Variants in LRP1B observed in about 807,000 individuals in gnomAD.
LRP1B encodes the protein LDL receptor related protein 1B.
LRP1B carries 217 observed loss-of-function variants against 556.6 expected under a neutral mutation model. The observed-to-expected ratio is 0.39, with a 90% CI of 0.35 to 0.44. The LOEUF (loss-of-function observed/expected upper bound fraction) is 0.44. Ranked by LOEUF, LRP1B falls within the 20% of genes least tolerant of loss-of-function variation. The probability of loss-of-function intolerance (pLI) is 1.00; values close to 1 mark genes in which losing one functional copy is unlikely to be tolerated. For synonymous variants in LRP1B, 2,047 were observed against 1,865.8 expected, an observed-to-expected ratio of 1.10 and a Z score of -2.50; for missense variants, 5,053 against 5,620.8, an observed-to-expected ratio of 0.90 and a Z score of 3.23.
At chr2:140,853,686 C>CAATA (rs70988449) in intron 27 of LRP1B, among the ~76,000 whole-genome samples, 126,333 of 151,300 alleles carry the variant, frequency 0.83, 53,442 homozygotes, top group Non-Finnish European at 0.91. Flanking sequence ...TTGTTAAAAA[C>CAATA]AATAAATAAA....
intron 41 of LRP1B, among the ~76,000 whole-genome samples, chr2:140,669,311 A>G (rs1307797420): frequency 6.6e-6 from 1 of 152,192 alleles, no homozygotes; most frequent in Non-Finnish European, 1.5e-5. Context: ...GTAGTATATC[A>G]TGTTAATAAT....
chr2:142,092,069 T>C (rs1293513382), intron 1 of LRP1B, among the ~76,000 whole-genome samples: 1 of 152,214 alleles, frequency 6.6e-6, no homozygotes, highest in East Asian at 1.9e-4. Context: ...AACAGAATGA[T>C]TGTGGGTCAC....
At chr2:141,143,658 C>T (rs755237380) in intron 7 of LRP1B, among the ~76,000 whole-genome samples, 16 of 152,060 alleles carry the variant, frequency 1.1e-4, no homozygotes, top group Non-Finnish European at 2.4e-4. Flanking sequence ...ATCCCATTGC[C>T]TTCTCATTCA....
intron 3 of LRP1B, among the ~76,000 whole-genome samples, chr2:141,448,188 C>A (rs1477997361): frequency 6.6e-6 from 1 of 152,178 alleles, no homozygotes; most frequent in African/African-American, 2.4e-5. Context: ...ACCCAGTCTG[C>A]ACTTCCCAGG....
intron 2 of LRP1B, among the ~76,000 whole-genome samples, chr2:141,728,029 A>T (rs1158233614): frequency 6.6e-6 from 1 of 152,076 alleles, no homozygotes; most frequent in Non-Finnish European, 1.5e-5. Context: ...TAGCGCTATA[A>T]TGAGGGGGAA....
intron 35 of LRP1B, among the ~76,000 whole-genome samples, chr2:140,748,127 AT>A (rs1559093628): frequency 0.086 from 5,903 of 68,680 alleles, 401 homozygotes; most frequent in Admixed American, 0.16. Context: ...ATATATATAT[AT>A]ATATATATAA....
chr2:140,840,795 T>C (rs973097371), intron 30 of LRP1B, 123 bp downstream of exon 30: 16 of 591,198 alleles, frequency 2.7e-5, no homozygotes, highest in South Asian at 3.9e-5. Context: ...CCATATTTAC[T>C]TTTTTTTTAA....
chr2:141,103,634 A>G (rs1051025757), intron 7 of LRP1B, among the ~76,000 whole-genome samples: 2 of 151,340 alleles, frequency 1.3e-5, no homozygotes, highest in Non-Finnish European at 3.0e-5. Flanking sequence ...GCCAATAGAC[A>G]ACATTTTTGA....
chr2:141,856,420 T>C (rs1186336235), intron 1 of LRP1B, among the ~76,000 whole-genome samples: 1 of 152,134 alleles, frequency 6.6e-6, no homozygotes, highest in Non-Finnish European at 1.5e-5. Flanking sequence ...TTTTTTTATA[T>C]TTTTGCTTCC....
intron 2 of LRP1B, among the ~76,000 whole-genome samples, chr2:141,692,202 T>C (rs1184921898): frequency 6.6e-6 from 1 of 151,992 alleles, no homozygotes; most frequent in Non-Finnish European, 1.5e-5. Flanking sequence ...ATTTGATAAA[T>C]TCACTCCTCT....
intron 84 of LRP1B, among the ~76,000 whole-genome samples, chr2:140,286,561 A>C (rs995972400): frequency 6.6e-6 from 1 of 151,824 alleles, no homozygotes; most frequent in Non-Finnish European, 1.5e-5. Context: ...AATTAGACTA[A>C]ACTTTTCAGC....
intron 1 of LRP1B, among the ~76,000 whole-genome samples, chr2:141,975,968 T>C (rs1701875186): frequency 1.3e-5 from 2 of 152,094 alleles, no homozygotes; most frequent in Admixed American, 1.3e-4. Context: ...TTTTGAATGC[T>C]GAAATGCTTT....
In LRP1B at chr2:140,662,361, A is replaced by T. The variant is rs1373170782; in HGVS notation, c.6799+37889T>A. On this transcript the variant is annotated intron_variant, in intron 41 of 90. Transcript: ENST00000389484. The stretch of plus-strand genomic sequence containing the variant: ...GCTATAATTACAAATATTAAGGAAA[A>T]ATTATTTAAGAATACATAGCTGGTA... Among the ~76,000 whole-genome samples the T allele has an allele frequency of 2.0e-5, 3 of 152,236 alleles. No individual in the cohort carries two copies. In the East Asian group the frequency reaches 5.8e-4, roughly 29 times the overall value.
At position 140,743,993 on chromosome 2, in the gene LRP1B, T is replaced by TAAAAAAAAAAAAAAAAAAA. The variant is rs1297190080; in HGVS notation, c.5758+25219_5758+25220insTTTTTTTTTTTTTTTTTTT. On this transcript the variant is annotated intron_variant, in intron 35 of 90. Coordinates refer to ENST00000389484, the MANE Select transcript of LRP1B (RefSeq NM_018557.3). ...AAAAAAAAAAAAAAAAAAAAAAAAGTAAAAAGTAAAATCCATAGACATAGA... is the reference window on the plus strand; with the variant it reads ...AAAAAAAAAAAAAAAAAAAAAAAAGTAAAAAAAAAAAAAAAAAAAAAAAAGTAAAATCCATAGACATAGA... 5.6e-4 allele frequency among the ~76,000 whole-genome samples: 4 copies of TAAAAAAAAAAAAAAAAAAA among 7,162 alleles called. 2 individuals are homozygous for TAAAAAAAAAAAAAAAAAAA. The highest frequency in any genetic ancestry group is 1.5e-3 in the Non-Finnish European group (4 of 2,694). 4.7% of individuals were successfully genotyped at this position (7,162 alleles called of 152,430 possible).
At chr2:140,348,217 C>G (rs1165531263) in intron 77 of LRP1B, among the ~76,000 whole-genome samples, 1 of 151,998 alleles carries the variant, frequency 6.6e-6, no homozygotes, top group African/African-American at 2.4e-5. Context: ...CTCTACAATT[C>G]ACATTACTCA....
At chr2:141,087,593 G>A (rs1459264753) in intron 7 of LRP1B, among the ~76,000 whole-genome samples, 3 of 152,174 alleles carry the variant, frequency 2.0e-5, no homozygotes, top group Non-Finnish European at 4.4e-5. Context: ...CTGCCAGCAA[G>A]GAGGTCAGAC....
At chr2:140,969,198 A>G (rs1293064275) in intron 18 of LRP1B, among the ~76,000 whole-genome samples, 2 of 152,160 alleles carry the variant, frequency 1.3e-5, no homozygotes, top group African/African-American at 2.4e-5. Flanking sequence ...GACTTGCTTT[A>G]TGAATCTGGG....
At chr2:140,299,846 G>C (rs754654055) in intron 83 of LRP1B, among the ~76,000 whole-genome samples, 1 of 152,092 alleles carries the variant, frequency 6.6e-6, no homozygotes, top group African/African-American at 2.4e-5. Flanking sequence ...TAAACAGTGC[G>C]TAAAGTACAA....
intron 3 of LRP1B, among the ~76,000 whole-genome samples, chr2:141,417,082 A>G (rs1691135087): frequency 6.6e-6 from 1 of 152,200 alleles, no homozygotes; most frequent in African/African-American, 2.4e-5. Context: ...TACTTGATAT[A>G]TTGTTTCCTA....
Sources: allele counts gnomAD v4.1 joint callset (sites outside exome capture counted in the v4.1 genomes callset), GRCh38; gene constraint gnomAD v4.1.1; transcripts MANE v1.5; gene names NCBI Gene and HGNC (gene_info 2026-07-23, HGNC 2026-07-21).